DNAH14: variants seen among roughly 807,000 people sequenced by gnomAD.
The protein encoded by DNAH14 is dynein axonemal heavy chain 14.
A neutral mutation model predicts 520.9 loss-of-function variants in DNAH14; 478 were observed. The ratio of observed to expected loss-of-function variants is 0.92; its 90% CI spans 0.85 to 0.99. The LOEUF (loss-of-function observed/expected upper bound fraction) is 0.99, where lower values mean the gene tolerates loss of function less well. DNAH14 is among the 50% of genes least tolerant of loss of function. DNAH14 has a pLI of 0.00. For missense variants in DNAH14, 4,831 were observed against 5,234.5 expected (o/e 0.92, Z 2.38); for synonymous variants, 1,581 against 1,757.2 (o/e 0.90, Z 2.51).
intron 75 of DNAH14, among the ~76,000 whole-genome samples, chr1:225,363,863 G>A (rs1326076496): frequency 6.6e-6 from 1 of 152,176 alleles, no homozygotes; most frequent in African/African-American, 2.4e-5. Context: ...TATAGGTTCA[G>A]TACAGATGCA....
At chr1:225,020,397 T>C (rs1471734772) in intron 10 of DNAH14, among the ~76,000 whole-genome samples, 1 of 145,140 alleles carries the variant, frequency 6.9e-6, no homozygotes, top group Non-Finnish European at 1.5e-5. Flanking sequence ...CTCAGGAGGC[T>C]GAGGCAGGAG....
In DNAH14 at chr1:225,331,449, T is replaced by G; in HGVS notation, c.9736T>G (p.Leu3246Val). 1 of 1,550,668 alleles carries G rather than the reference T, an allele frequency of 6.4e-7. No homozygotes were observed. Among genetic ancestry groups the G allele is most frequent in the Non-Finnish European group, 8.7e-7 (1 of 1,146,578 alleles). Residue 3246 changes from leucine to valine, a missense_variant, in exon 65 of 86, where the codon TTG becomes GTG. Coordinates refer to ENST00000682510, the MANE Select transcript of DNAH14 (RefSeq NM_001367479.1). The stretch of plus-strand genomic sequence containing the variant: ...AATTATCTTTCAGGTTGAAGAACAT[T>G]TGCTGTTTTTACAGGCAGCTTACAA... The part of the protein sequence containing the change: ...QRGLQLVEEH[L>V]LFLQAAYKDT...
rs1407339187 is a variant in DNAH14, at chr1:225,307,572, A to C, written c.9114+3A>C. ...CTCAAGTAGAACAAAAAACAAAGGT[A>C]TGTTTGCTTTGAAATCTCTTTTAAA... On this transcript the variant is annotated splice_donor_region_variant and intron_variant, in intron 59 of 85. Transcript: ENST00000682510. 2.6e-6 allele frequency: 4 copies of C among 1,528,324 alleles called. No individual in the cohort carries two copies. The highest frequency in any genetic ancestry group is 3.5e-6 in the Non-Finnish European group (4 of 1,139,376). The allele number at this position is 1,528,324 out of a possible 1,614,324, so 94.7% of individuals were successfully genotyped here.
At chr1:225,335,558 T>C (rs2094961346) in intron 66 of DNAH14, among the ~76,000 whole-genome samples, 1 of 149,990 alleles carries the variant, frequency 6.7e-6, no homozygotes, top group South Asian at 2.1e-4. Flanking sequence ...TATACATATG[T>C]ACATCTATGT....
At chr1:224,982,273 C>T (rs1323016556) in intron 8 of DNAH14, among the ~76,000 whole-genome samples, 1 of 152,182 alleles carries the variant, frequency 6.6e-6, no homozygotes, top group Non-Finnish European at 1.5e-5. Context: ...GGGCTGGCTG[C>T]AGTGTCAAAC....
At chr1:225,218,846 C>A (rs1020906439) in intron 41 of DNAH14, among the ~76,000 whole-genome samples, 1 of 152,200 alleles carries the variant, frequency 6.6e-6, no homozygotes, top group East Asian at 1.9e-4. Context: ...CCTAAATCTA[C>A]AGAATATACA....
chr1:224,929,977 C>T, intron 1 of DNAH14, 142 bp downstream of exon 1: 1 of 508,376 alleles, frequency 2.0e-6, no homozygotes. Context: ...GTGGGAGCGC[C>T]TCCGAGTCCC....
chr1:225,076,225 G>A (rs1359774196), intron 17 of DNAH14, among the ~76,000 whole-genome samples: 1 of 152,204 alleles, frequency 6.6e-6, no homozygotes, highest in Non-Finnish European at 1.5e-5. Context: ...AGTCCAACAT[G>A]TGGGCCTCAA....
At chr1:225,063,901 C>CA (rs71170055) in intron 17 of DNAH14, among the ~76,000 whole-genome samples, 1 of 150,526 alleles carries the variant, frequency 6.6e-6, no homozygotes, top group African/African-American at 2.4e-5. Context: ...ACCTCCTCCC[C>CA]AAAAAAAGAT....
chr1:225,382,261 T>C (rs1267176741), intron 81 of DNAH14, among the ~76,000 whole-genome samples: 1 of 152,110 alleles, frequency 6.6e-6, no homozygotes, highest in Non-Finnish European at 1.5e-5. Flanking sequence ...AAAACAAGCA[T>C]TGGGAGAAAT....
At chr1:225,041,970 C>T (rs1371358491) in intron 12 of DNAH14, among the ~76,000 whole-genome samples, 1 of 152,086 alleles carries the variant, frequency 6.6e-6, no homozygotes, top group Non-Finnish European at 1.5e-5. Context: ...TGTTAGGCAA[C>T]CATCACCACT....
intron 53 of DNAH14, among the ~76,000 whole-genome samples, chr1:225,276,981 GGAAGGGAGGGAGGAAGGA>G (rs1558241590): frequency 0.013 from 648 of 50,040 alleles, 12 homozygotes; most frequent in Non-Finnish European, 0.019. Context: ...AAGGAAGGAA[GGAAGGGAGGGAGGAAGGA>G]AGGGAGGGAG....
intron 41 of DNAH14, among the ~76,000 whole-genome samples, chr1:225,217,450 T>C (rs772087321): frequency 2.0e-5 from 3 of 152,194 alleles, no homozygotes; most frequent in Non-Finnish European, 4.4e-5. Flanking sequence ...GACGTTTAAG[T>C]CTGCAGAAGT....
intron 38 of DNAH14, among the ~76,000 whole-genome samples, chr1:225,201,873 C>CTTTTTTT (rs35342713): frequency 2.4e-5 from 3 of 122,542 alleles, no homozygotes; most frequent in African/African-American, 1.0e-4. Flanking sequence ...TTCTTTCTTC[C>CTTTTTTT]TTTTTTTTTT....
At chr1:224,969,657 G>T in intron 7 of DNAH14, 1 of 273,130 alleles carries the variant, frequency 3.7e-6, no homozygotes, top group South Asian at 1.4e-4. Flanking sequence ...CCGAACGGAG[G>T]GACCGGCCGA....
chr1:225,024,082 A>G, intron 11 of DNAH14: 1 of 1,163,036 alleles, frequency 8.6e-7, no homozygotes, highest in Non-Finnish European at 1.1e-6. Context: ...TGAATTTCAC[A>G]TAAATGGTAA....
intron 43 of DNAH14, among the ~76,000 whole-genome samples, chr1:225,241,755 A>G (rs1054936070): frequency 6.6e-6 from 1 of 152,216 alleles, no homozygotes; most frequent in African/African-American, 2.4e-5. Context: ...TTCAGTATAA[A>G]AGATTTAAAA....
intron 64 of DNAH14, among the ~76,000 whole-genome samples, chr1:225,329,656 A>G (rs1235056899): frequency 6.6e-6 from 1 of 152,174 alleles, no homozygotes; most frequent in East Asian, 1.9e-4. Context: ...TCACATCAAA[A>G]TGAATTACAG....
chr1:225,353,427 T>C (rs2095393555), intron 72 of DNAH14, among the ~76,000 whole-genome samples: 1 of 152,206 alleles, frequency 6.6e-6, no homozygotes. Context: ...CTCCAACCTC[T>C]ACACTTACTA....
Sources: gnomAD v4.1 joint callset for allele counts (sites outside exome capture counted in the v4.1 genomes callset) on GRCh38, gnomAD v4.1.1 for gene constraint, MANE v1.5 for transcripts, NCBI Gene and HGNC (gene_info 2026-07-23, HGNC 2026-07-21) for gene names.